SPIRE2: variants seen among roughly 807,000 people sequenced by gnomAD.
The protein encoded by SPIRE2 is protein spire homolog 2.
In SPIRE2, 76 loss-of-function variants were observed where a neutral mutation model predicts 80.7. The observed-to-expected ratio is 0.94, with a 90% CI of 0.78 to 1.14. The LOEUF (loss-of-function observed/expected upper bound fraction) is 1.14. Ranked by LOEUF, SPIRE2 falls within the 50% of genes most tolerant of loss-of-function variation. SPIRE2 has a pLI of 0.00. For synonymous variants in SPIRE2, 535 were observed against 432.6 expected (o/e 1.24, Z -2.94); for missense variants, 1,196 against 1,015.3 (o/e 1.18, Z -2.42).
At chr16:89,845,706 G>A (rs1358194217) in intron 2 of SPIRE2, 9 of 649,494 alleles carry the variant, frequency 1.4e-5, no homozygotes, top group Non-Finnish European at 2.5e-5. Flanking sequence ...ACGACTTCAG[G>A]TGCAAACAGG....
At chr16:89,855,889 A>G in intron 6 of SPIRE2, 1 of 949,022 alleles carries the variant, frequency 1.1e-6, no homozygotes, top group Non-Finnish European at 1.5e-6. Flanking sequence ...TTTTTCTGGG[A>G]AGGGGCCATG....
intron 2 of SPIRE2, among the ~76,000 whole-genome samples, chr16:89,848,289 T>C (rs1367985998): frequency 6.6e-6 from 1 of 152,254 alleles, no homozygotes; most frequent in East Asian, 1.9e-4. Flanking sequence ...AGGCCTTGGC[T>C]GCTGCAGCGC....
At chr16:89,862,453 A>C (rs1004606965) in intron 10 of SPIRE2, 1 of 152,326 alleles carries the variant, frequency 6.6e-6, no homozygotes, top group African/African-American at 2.4e-5. Flanking sequence ...AAGGGGGGCT[A>C]CTGAGCACCA....
At chr16:89,840,793 G>A (rs762259926) in intron 1 of SPIRE2, among the ~76,000 whole-genome samples, 5 of 149,160 alleles carry the variant, frequency 3.4e-5, no homozygotes, top group South Asian at 2.1e-4. Flanking sequence ...CCGCCACCAC[G>A]CCCAGCTTAT....
intron 3 of SPIRE2, 55 bp downstream of exon 3, chr16:89,850,715 A>G (rs2041617776): frequency 1.9e-6 from 1 of 518,310 alleles, no homozygotes; most frequent in Non-Finnish European, 3.1e-6. Context: ...GGAGGGGAGC[A>G]GTGGGTGGGA....
At chr16:89,837,695 C>T (rs187135254) in intron 1 of SPIRE2, among the ~76,000 whole-genome samples, 4 of 151,396 alleles carry the variant, frequency 2.6e-5, no homozygotes, top group African/African-American at 9.7e-5. Context: ...GGTCTCCGCA[C>T]GCACCTCCCG....
chr16:89,849,950 G>A, intron 2 of SPIRE2: 5 of 384,846 alleles, frequency 1.3e-5, no homozygotes, highest in South Asian at 1.0e-4. Context: ...CGATTCTCCT[G>A]CCTCAGCCTC....
At chr16:89,856,260 A>G in intron 7 of SPIRE2, 24 bp downstream of exon 7, 1 of 1,553,174 alleles carries the variant, frequency 6.4e-7, no homozygotes. Flanking sequence ...TGGCAGGAGA[A>G]GAGAGCCCTG....
At chr16:89,859,627 G>C (rs901062886) in intron 9 of SPIRE2, among the ~76,000 whole-genome samples, 1 of 152,120 alleles carries the variant, frequency 6.6e-6, no homozygotes, top group Admixed American at 6.5e-5. Context: ...TTAACTTTGG[G>C]ATATAGAAAG....
At chr16:89,857,498 C>T (rs6500460) in intron 7 of SPIRE2, among the ~76,000 whole-genome samples, 96,294 of 151,956 alleles carry the variant, frequency 0.63, 31,536 homozygotes, top group African/African-American at 0.78. Context: ...ACATAGTTTA[C>T]AATAGTATGA....
chr16:89,852,104 A>C (rs187388192), intron 3 of SPIRE2, among the ~76,000 whole-genome samples: 1,270 of 9,352 alleles, frequency 0.14, 66 homozygotes, highest in East Asian at 0.45. Context: ...CCCCCCACCC[A>C]CCAGATCCCA....
At chr16:89,843,673 TTTTTTTTGTTTGTTTTTG>T (rs1567671303) in intron 1 of SPIRE2, among the ~76,000 whole-genome samples, 4 of 56,250 alleles carry the variant, frequency 7.1e-5, no homozygotes, top group Non-Finnish European at 9.1e-5. Context: ...CCACGTTTTT[TTTTTTTTGTTTGTTTTTG>T]TTTTTTGTTT....
At chr16:89,834,076 G>C (rs1490840859) in intron 1 of SPIRE2, among the ~76,000 whole-genome samples, 1 of 151,234 alleles carries the variant, frequency 6.6e-6, no homozygotes, top group Admixed American at 6.6e-5. Context: ...AGACATCTGT[G>C]AACCTGCCTG....
At chr16:89,862,976 A>G (rs2143825240) in intron 10 of SPIRE2, 1 of 165,286 alleles carries the variant, frequency 6.1e-6, no homozygotes, top group East Asian at 1.8e-4. Context: ...ACAGGGAAGC[A>G]AAAACAGGAC....
At chr16:89,845,454 C>T in intron 2 of SPIRE2, 89 bp downstream of exon 2, 1 of 1,238,902 alleles carries the variant, frequency 8.1e-7, no homozygotes, top group Non-Finnish European at 1.2e-6. Flanking sequence ...TATATAGTTA[C>T]ACAGTTGTTT....
At position 89,832,988 on chromosome 16, in the gene SPIRE2, A is replaced by AT. The variant is rs1567667718; in HGVS notation, c.244+4197dup. ...AGGTGCCTGCCACCAAACCCAGCTG[A>AT]TTTCTTTTTTTTTTTTTTGTGAGAC... On this transcript the variant is annotated intron_variant, in intron 1 of 14. Transcript: ENST00000378247. Among the ~76,000 whole-genome samples the AT allele has an allele frequency of 1.1e-4, 8 of 73,212 alleles. No homozygotes were observed. The South Asian group carries it at 1.8e-3, about 17-fold the overall frequency. 48.0% of individuals were successfully genotyped at this position (73,212 alleles called of 152,430 possible). A position where few individuals can be genotyped will look rare whatever the true frequency, so the allele number is the denominator to read the frequency against.
intron 1 of SPIRE2, among the ~76,000 whole-genome samples, chr16:89,832,579 A>T (rs1004324322): frequency 2.0e-5 from 3 of 151,984 alleles, no homozygotes; most frequent in Non-Finnish European, 2.9e-5. Flanking sequence ...TCCTCACCAG[A>T]GCTGAGGGGC....
At chr16:89,845,740 C>A in intron 2 of SPIRE2, 1 of 617,940 alleles carries the variant, frequency 1.6e-6, no homozygotes, top group South Asian at 1.9e-5. Context: ...GTGACCAGTG[C>A]CCCGAAACCC....
At position 89,850,638 on chromosome 16, in the gene SPIRE2, C is replaced by A; in HGVS notation, c.623C>A (p.Ala208Asp). ...ACGCTGGAGCTGCGGGCCTTCCTGG[C>A]CAGGGTCCGGGAGGCCAAGGAGGTG... is the stretch of plus-strand genomic sequence containing the variant. ...VETLELRAFL[A>D]RVREAKEMLQ... Residue 208 changes from alanine to aspartate, a missense_variant, in exon 3 of 15, where the codon GCC (alanine) becomes GAC (aspartate). Coordinates refer to ENST00000378247, the MANE Select transcript of SPIRE2 (RefSeq NM_032451.2). The A allele has an allele frequency of 6.6e-7, 1 of 1,508,562 alleles. No individual in the cohort carries two copies. Among genetic ancestry groups the A allele is most frequent in the Non-Finnish European group, 8.8e-7 (1 of 1,134,636 alleles). 93.4% of individuals were successfully genotyped at this position (1,508,562 alleles called of 1,614,324 possible). A position where few individuals can be genotyped will look rare whatever the true frequency, so the allele number is the denominator to read the frequency against.
Sources: gnomAD v4.1 joint callset for allele counts (sites outside exome capture counted in the v4.1 genomes callset) on GRCh38, gnomAD v4.1.1 for gene constraint, MANE v1.5 for transcripts, NCBI Gene and HGNC (gene_info 2026-07-23, HGNC 2026-07-21) for gene names.